Variants in ANKRD44 observed in about 807,000 individuals in gnomAD.
ANKRD44 encodes serine/threonine-protein phosphatase 6 regulatory ankyrin repeat subunit B.
Under a neutral mutation model 116.0 loss-of-function variants are expected in ANKRD44, and 35 were observed. The observed-to-expected ratio is 0.30, with a 90% CI of 0.23 to 0.40. ANKRD44 has a LOEUF of 0.40. ANKRD44 is among the 10% of genes least tolerant of loss of function. ANKRD44 has a pLI of 1.00. For missense variants in ANKRD44, 1,014 were observed against 1,242.6 expected (o/e 0.82, Z 2.77); for synonymous variants, 435 against 461.8 (o/e 0.94, Z 0.74).
At chr2:197,093,450 A>C (rs1277349847) in intron 10 of ANKRD44, among the ~76,000 whole-genome samples, 1 of 152,168 alleles carries the variant, frequency 6.6e-6, no homozygotes, top group Non-Finnish European at 1.5e-5. Context: ...AAGATGAAAG[A>C]GATAGAACTA....
chr2:197,271,374 CAG>C (rs1395717886), intron 1 of ANKRD44, among the ~76,000 whole-genome samples: 1 of 152,226 alleles, frequency 6.6e-6, no homozygotes, highest in African/African-American at 2.4e-5. Flanking sequence ...ATCTACAATG[CAG>C]AGAGTGGGCC....
intron 18 of ANKRD44, among the ~76,000 whole-genome samples, chr2:197,010,873 G>C (rs1227523084): frequency 6.6e-6 from 1 of 152,196 alleles, no homozygotes; most frequent in African/African-American, 2.4e-5. Context: ...TGCCAGCCAC[G>C]AGAGAATGCT....
At chr2:197,020,697 C>G (rs558628084) in intron 17 of ANKRD44, among the ~76,000 whole-genome samples, 1 of 152,104 alleles carries the variant, frequency 6.6e-6, no homozygotes, top group African/African-American at 2.4e-5. Flanking sequence ...TAAAGTAAAG[C>G]CTTCACTAGA....
At chr2:196,977,030 C>T (rs1225891173) in intron 21 of ANKRD44, among the ~76,000 whole-genome samples, 1 of 152,010 alleles carries the variant, frequency 6.6e-6, no homozygotes, top group Non-Finnish European at 1.5e-5. Context: ...TATATACTGG[C>T]AATGAACAAT....
At chr2:197,185,154 T>C (rs2080622805) in intron 2 of ANKRD44, among the ~76,000 whole-genome samples, 1 of 152,228 alleles carries the variant, frequency 6.6e-6, no homozygotes, top group Admixed American at 6.5e-5. Context: ...TGGCCTGGCC[T>C]TGGCTCAGAA....
chr2:197,191,012 A>T (rs577030103), intron 1 of ANKRD44, among the ~76,000 whole-genome samples: 1 of 152,364 alleles, frequency 6.6e-6, no homozygotes, highest in South Asian at 2.1e-4. Flanking sequence ...GTAGGAAAAA[A>T]GGAGATTCAG....
intron 16 of ANKRD44, among the ~76,000 whole-genome samples, chr2:197,038,322 C>T (rs1324778323): frequency 2.0e-5 from 2 of 98,170 alleles, no homozygotes; most frequent in African/African-American, 2.7e-5. Context: ...TCTAAAACTG[C>T]GCTTAGAAAA....
At chr2:197,122,471 C>T (rs2078878692) in intron 7 of ANKRD44, among the ~76,000 whole-genome samples, 179 bp downstream of exon 7, 1 of 152,066 alleles carries the variant, frequency 6.6e-6, no homozygotes, top group Non-Finnish European at 1.5e-5. Context: ...TCCAGTTTTC[C>T]TCTGCTTAGT....
At chr2:197,115,944 C>T (rs895943754) in intron 8 of ANKRD44, among the ~76,000 whole-genome samples, 3 of 152,106 alleles carry the variant, frequency 2.0e-5, no homozygotes, top group African/African-American at 7.2e-5. Context: ...ATTCAAAATC[C>T]TATTTACACA....
At chr2:197,084,976 T>C (rs1392335577) in intron 13 of ANKRD44, among the ~76,000 whole-genome samples, 1 of 152,142 alleles carries the variant, frequency 6.6e-6, no homozygotes, top group Non-Finnish European at 1.5e-5. Context: ...CCTCATAGTG[T>C]TAGTATCAGA....
At chr2:197,281,682 A>T (rs1272053415) in intron 1 of ANKRD44, among the ~76,000 whole-genome samples, 1 of 152,182 alleles carries the variant, frequency 6.6e-6, no homozygotes, top group African/African-American at 2.4e-5. Context: ...AGATAATGTA[A>T]TAAGGTGACG....
At chr2:197,136,529 C>T (rs1337423623) in intron 4 of ANKRD44, 63 bp downstream of exon 4, 38 of 1,491,460 alleles carry the variant, frequency 2.5e-5, no homozygotes, top group Non-Finnish European at 3.2e-5. Flanking sequence ...TCTTAATTCG[C>T]TAGCAAGACT....
intron 16 of ANKRD44, among the ~76,000 whole-genome samples, chr2:197,045,432 T>G (rs1331307924): frequency 1.3e-5 from 2 of 152,176 alleles, no homozygotes; most frequent in Non-Finnish European, 2.9e-5. Context: ...TGTAGTGTCA[T>G]TTTATTTCCA....
At chr2:197,179,712 G>A (rs2080457407) in intron 2 of ANKRD44, among the ~76,000 whole-genome samples, 1 of 152,172 alleles carries the variant, frequency 6.6e-6, no homozygotes, top group Non-Finnish European at 1.5e-5. Context: ...TGGCCTCCAT[G>A]TCCAGTGCTG....
chr2:196,981,671 T>C (rs1436707361), downstream of ANKRD44, among the ~76,000 whole-genome samples: 1 of 152,048 alleles, frequency 6.6e-6, no homozygotes, highest in African/African-American at 2.4e-5. Flanking sequence ...TCCCAGCTAC[T>C]TGAGAGGCTG....
At chr2:197,032,256 G>A (rs2076721047) in intron 16 of ANKRD44, among the ~76,000 whole-genome samples, 1 of 152,106 alleles carries the variant, frequency 6.6e-6, no homozygotes, top group African/African-American at 2.4e-5. Flanking sequence ...TGCTGGGGGT[G>A]GGCACTGCTA....
chr2:196,984,074 T>G (rs997926185), downstream of ANKRD44, among the ~76,000 whole-genome samples: 2 of 152,226 alleles, frequency 1.3e-5, no homozygotes, highest in Admixed American at 1.3e-4. Context: ...ATATAAAGTA[T>G]GTTTATGCAA....
At chr2:197,065,843 T>C (rs1232716984) in intron 16 of ANKRD44, among the ~76,000 whole-genome samples, 5 of 152,192 alleles carry the variant, frequency 3.3e-5, no homozygotes, top group Admixed American at 1.3e-4. Context: ...GATTCACAGC[T>C]GAATTCTACC....
intron 1 of ANKRD44, among the ~76,000 whole-genome samples, chr2:197,234,193 G>GT (rs1559171833): frequency 2.8e-4 from 40 of 142,648 alleles, no homozygotes; most frequent in African/African-American, 1.1e-3. Flanking sequence ...ATAAGTCATA[G>GT]ATTTTTTTTT....
Sources: gnomAD v4.1 joint callset for allele counts (sites outside exome capture counted in the v4.1 genomes callset) on GRCh38, gnomAD v4.1.1 for gene constraint, MANE v1.5 for transcripts, NCBI Gene and HGNC (gene_info 2026-07-23, HGNC 2026-07-21) for gene names.